Variants in WDR49 observed in about 807,000 individuals in gnomAD.
The protein encoded by WDR49 is WD repeat domain 49, also known as cilia- and flagella-associated protein 337.
In WDR49, 107 loss-of-function variants were observed where a neutral mutation model predicts 119.5. That is an observed-to-expected ratio of 0.90 (90% CI 0.77 to 1.05). The LOEUF is 1.05. WDR49 is among the 50% of genes least tolerant of loss of function. The pLI is 0.00. For missense variants in WDR49, 1,240 were observed against 1,220.5 expected (o/e 1.02, Z -0.24); for synonymous variants, 425 against 418.8 (o/e 1.01, Z -0.18).
intron 18 of WDR49, among the ~76,000 whole-genome samples, chr3:167,488,985 T>G (rs748763851): frequency 2.2e-4 from 34 of 152,160 alleles, no homozygotes; most frequent in Non-Finnish European, 4.0e-4. Flanking sequence ...GGATTTAGCT[T>G]AAATGTCAGA....
At chr3:167,564,338 T>C (rs1278102783) in intron 8 of WDR49, among the ~76,000 whole-genome samples, 1 of 152,168 alleles carries the variant, frequency 6.6e-6, no homozygotes, top group Non-Finnish European at 1.5e-5. Flanking sequence ...ACTATGACAA[T>C]ATTGGAATAC....
At position 167,605,285 on chromosome 3, in the gene WDR49, T is replaced by C. The variant is rs79093835; in HGVS notation, c.959-817A>G. ...ATTAATTCAAGAGCTCATATTGATA[T>C]GTAAATAGCTTGATTTAGAAAATTC... On this transcript the variant is annotated intron_variant, in intron 5 of 18. Transcript: ENST00000682715. Among the ~76,000 whole-genome samples, 509 of 152,278 alleles carry C rather than the reference T, an allele frequency of 3.3e-3. 3 individuals carry two copies. The highest frequency in any genetic ancestry group is 0.012 in the African/African-American group (479 of 41,568).
At chr3:167,600,973 G>A (rs985360909) in intron 7 of WDR49, among the ~76,000 whole-genome samples, 8 of 152,128 alleles carry the variant, frequency 5.3e-5, no homozygotes, top group African/African-American at 1.9e-4. Flanking sequence ...TTTAAATAGA[G>A]GGCAGAGATG....
intron 7 of WDR49, among the ~76,000 whole-genome samples, chr3:167,580,454 G>A (rs184180423): frequency 1.3e-3 from 199 of 152,196 alleles, no homozygotes; most frequent in Middle Eastern, 3.4e-3. Context: ...TTCCCAGACC[G>A]ATTAAATCAG....
At chr3:167,513,145 T>A (rs1752052649) in intron 16 of WDR49, among the ~76,000 whole-genome samples, 1 of 151,948 alleles carries the variant, frequency 6.6e-6, no homozygotes, top group South Asian at 2.1e-4. Context: ...CCAAGACACA[T>A]AATCCTCAGA....
At chr3:167,496,461 C>A (rs1751356758) in intron 18 of WDR49, among the ~76,000 whole-genome samples, 1 of 151,854 alleles carries the variant, frequency 6.6e-6, no homozygotes, top group African/African-American at 2.4e-5. Flanking sequence ...TCATCCCCCG[C>A]TATTTTTTTT....
chr3:167,624,714 T>G (rs1388360919), intron 3 of WDR49, among the ~76,000 whole-genome samples: 2 of 152,098 alleles, frequency 1.3e-5, no homozygotes, highest in Admixed American at 1.3e-4. Context: ...AAGATTTTAG[T>G]TCAGTGCTGA....
At chr3:167,497,260 C>A (rs1287715025) in intron 18 of WDR49, among the ~76,000 whole-genome samples, 1 of 152,046 alleles carries the variant, frequency 6.6e-6, no homozygotes, top group East Asian at 1.9e-4. Flanking sequence ...GTTGGTGAAG[C>A]TTTTAAAAGA....
intron 18 of WDR49, 91 bp downstream of exon 18, chr3:167,500,062 A>T (rs1315871581): frequency 7.3e-7 from 1 of 1,362,246 alleles, no homozygotes; most frequent in Non-Finnish European, 9.7e-7. Context: ...CAAGACAAAC[A>T]CTTGTTATTT....
intron 7 of WDR49, among the ~76,000 whole-genome samples, chr3:167,590,710 T>A (rs1292157159): frequency 6.6e-6 from 1 of 152,130 alleles, no homozygotes; most frequent in Non-Finnish European, 1.5e-5. Flanking sequence ...TAGTAGCCAT[T>A]AATAATCATT....
chr3:167,611,646 A>T (rs1716342248), intron 5 of WDR49, among the ~76,000 whole-genome samples: 1 of 152,316 alleles, frequency 6.6e-6, no homozygotes, highest in South Asian at 2.1e-4. Flanking sequence ...TGAAAAAGAT[A>T]TCCCACGCCA....
chr3:167,564,695 T>A (rs1311765211), intron 8 of WDR49, among the ~76,000 whole-genome samples: 2 of 152,226 alleles, frequency 1.3e-5, no homozygotes, highest in East Asian at 1.9e-4. Flanking sequence ...GTTGTTCTGA[T>A]GAGAACAGTC....
intron 18 of WDR49, among the ~76,000 whole-genome samples, chr3:167,494,650 C>T (rs1751276027): frequency 1.3e-5 from 2 of 152,130 alleles, no homozygotes; most frequent in South Asian, 4.1e-4. Flanking sequence ...TGCTAAGAAA[C>T]AGACCTGCAT....
chr3:167,586,492 G>C (rs1714822412), intron 7 of WDR49, among the ~76,000 whole-genome samples: 1 of 152,178 alleles, frequency 6.6e-6, no homozygotes, highest in East Asian at 1.9e-4. Flanking sequence ...AGAAAATTTT[G>C]TAGATTTAAA....
intron 2 of WDR49, among the ~76,000 whole-genome samples, chr3:167,640,171 T>A (rs1717813357): frequency 6.6e-6 from 1 of 151,844 alleles, no homozygotes; most frequent in Admixed American, 6.6e-5. Flanking sequence ...TGCACCCGCA[T>A]ATATAATGAC....
At chr3:167,595,633 T>C (rs1157611767) in intron 7 of WDR49, among the ~76,000 whole-genome samples, 2 of 152,202 alleles carry the variant, frequency 1.3e-5, no homozygotes, top group Non-Finnish European at 2.9e-5. Flanking sequence ...ATTCCCTATT[T>C]AATAAATGGT....
At chr3:167,538,594 C>A (rs1380379592) in intron 10 of WDR49, among the ~76,000 whole-genome samples, 5 of 151,936 alleles carry the variant, frequency 3.3e-5, no homozygotes, top group African/African-American at 9.7e-5. Context: ...TACTCTGGGG[C>A]ATTTTCATTT....
At chr3:167,625,820 A>G (rs949846083) in intron 3 of WDR49, among the ~76,000 whole-genome samples, 6 of 152,000 alleles carry the variant, frequency 3.9e-5, no homozygotes. Context: ...CATATTAAAC[A>G]ACACCATGTA....
chr3:167,605,998 C>T (rs1037077117), intron 5 of WDR49, among the ~76,000 whole-genome samples: 2 of 152,164 alleles, frequency 1.3e-5, no homozygotes, highest in Non-Finnish European at 2.9e-5. Flanking sequence ...ACTATTGAAA[C>T]TTGGCTTCTC....
Sources: allele counts gnomAD v4.1 joint callset (sites outside exome capture counted in the v4.1 genomes callset), GRCh38; gene constraint gnomAD v4.1.1; transcripts MANE v1.5; gene names NCBI Gene and HGNC (gene_info 2026-07-23, HGNC 2026-07-21).